Variants in MID1 observed in about 807,000 individuals in gnomAD.
MID1 encodes E3 ubiquitin-protein ligase Midline-1.
In MID1, 7 loss-of-function variants were observed where a neutral mutation model predicts 40.4. The ratio of observed to expected loss-of-function variants is 0.17; its 90% confidence interval spans 0.10 to 0.33. MID1 has a LOEUF of 0.33. Ranked by LOEUF, MID1 falls within the 10% of genes least tolerant of loss-of-function variation. The pLI is 1.00. For synonymous variants in MID1, 229 were observed against 221.2 expected (o/e 1.04, Z -0.31); for missense variants, 367 against 558.5 (o/e 0.66, Z 3.46).
chrX:10,721,979 T>C (rs1439368247), intron 1 of MID1, among the ~76,000 whole-genome samples: 1 of 111,391 alleles, frequency 9.0e-6, no homozygotes, highest in Non-Finnish European at 1.9e-5. Context: ...GGAGATTATG[T>C]GTAGAAATAT....
chrX:10,563,810 T>A (rs1448285429), intron 2 of MID1, among the ~76,000 whole-genome samples: 4 of 112,284 alleles, frequency 3.6e-5, no homozygotes, highest in African/African-American at 9.7e-5. Flanking sequence ...TTCAACATGT[T>A]AGAATTTTTA....
chrX:10,641,338 A>G lies in MID1; in HGVS notation c.-186-20919T>C, dbSNP rs1376173785. On this transcript the variant is annotated intron_variant, in intron 1 of 10. Transcript: ENST00000380785. ...CACAATAAAAAATGATAAAGGGGATATCACCACCGATCCCACAGAAATACA... is the reference window on the plus strand; with the variant it reads ...CACAATAAAAAATGATAAAGGGGATGTCACCACCGATCCCACAGAAATACA... 5.4e-5 allele frequency among the ~76,000 whole-genome samples: 6 copies of G among 112,098 alleles called. No individual in the cohort carries two copies. The South Asian group carries it at 2.2e-3, about 42-fold the overall frequency.
rs756208889 is a variant in MID1 at position 10,446,897 on chromosome X, T to C, written c.*2471A>G. The stretch of plus-strand genomic sequence containing the variant: ...TCTTTTGCCCCTGTATCGCAGTGTT[T>C]CCTGTGGTGAGGACCCCAAATAATA... On this transcript the variant is annotated 3_prime_UTR_variant, in exon 10 of 10. Coordinates refer to ENST00000317552, the MANE Select transcript of MID1 (RefSeq NM_000381.4). 3.6e-5 allele frequency: 4 copies of C among 111,572 alleles called. No individual in the cohort carries two copies. The highest frequency in any genetic ancestry group is 7.5e-5 in the Non-Finnish European group (4 of 53,246). The allele number at this position is 111,572 out of a possible 1,213,427, so 9.2% of individuals were successfully genotyped here.
At chrX:10,545,014 TG>T (rs1381721230) in intron 2 of MID1, among the ~76,000 whole-genome samples, 1 of 112,113 alleles carries the variant, frequency 8.9e-6, no homozygotes, top group East Asian at 2.8e-4. Flanking sequence ...TGAAGTGCAG[TG>T]GTGTGATCTC....
chrX:10,833,116 C>T (rs2044263390), intron 1 of MID1, among the ~76,000 whole-genome samples: 1 of 112,103 alleles, frequency 8.9e-6, no homozygotes, highest in African/African-American at 3.2e-5. Context: ...AAAATGATAC[C>T]TTCAGACTGC....
At chrX:10,672,583 A>G (rs2042994806) in intron 1 of MID1, among the ~76,000 whole-genome samples, 1 of 111,744 alleles carries the variant, frequency 8.9e-6, no homozygotes, top group African/African-American at 3.3e-5. Context: ...TTGAAGTTGG[A>G]AAAGCAGGGA....
At chrX:10,606,116 T>C (rs58654165) in intron 1 of MID1, among the ~76,000 whole-genome samples, 6,109 of 111,365 alleles carry the variant, frequency 0.055, 287 homozygotes, top group African/African-American at 0.15. Context: ...GCACAACTGA[T>C]ACAGGAATAT....
chrX:10,811,143 C>T (rs759196787), intron 1 of MID1, among the ~76,000 whole-genome samples: 1 of 111,816 alleles, frequency 8.9e-6, no homozygotes, highest in South Asian at 3.8e-4. Flanking sequence ...ATCATCTTTT[C>T]AGTGTGGCTT....
At chrX:10,739,146 T>G (rs1293633354) in intron 1 of MID1, among the ~76,000 whole-genome samples, 1 of 111,469 alleles carries the variant, frequency 9.0e-6, no homozygotes, top group Non-Finnish European at 1.9e-5. Flanking sequence ...GCGGGTCAAT[T>G]GGTTGAATAA....
intron 1 of MID1, among the ~76,000 whole-genome samples, chrX:10,660,387 C>A (rs1206995084): frequency 8.9e-6 from 1 of 112,331 alleles, no homozygotes; most frequent in Non-Finnish European, 1.9e-5. Flanking sequence ...CCCACAGCAG[C>A]CCCTGCTCAA....
chrX:10,496,682 G>A (rs1931270614), intron 3 of MID1, among the ~76,000 whole-genome samples: 1 of 112,115 alleles, frequency 8.9e-6, no homozygotes, highest in Non-Finnish European at 1.9e-5. Flanking sequence ...GGCTTTAATT[G>A]GAGTAATTTC....
At chrX:10,667,619 C>T (rs1389895284) in intron 1 of MID1, among the ~76,000 whole-genome samples, 1 of 111,427 alleles carries the variant, frequency 9.0e-6, no homozygotes, top group African/African-American at 3.3e-5. Context: ...ATAAGAGCAC[C>T]AGGAACAGGG....
intron 1 of MID1, among the ~76,000 whole-genome samples, chrX:10,619,462 A>G (rs1935896290): frequency 1.8e-5 from 2 of 112,571 alleles, no homozygotes; most frequent in Admixed American, 9.3e-5. Context: ...ATTGTTCTTG[A>G]TATTTAAATA....
chrX:10,521,015 C>T (rs910797019), intron 3 of MID1, among the ~76,000 whole-genome samples: 18 of 108,030 alleles, frequency 1.7e-4, no homozygotes, highest in Admixed American at 5.1e-4. Flanking sequence ...GGCATGTGCT[C>T]GGCTTCTGAT....
At chrX:10,498,094 A>G (rs1931351763) in intron 3 of MID1, among the ~76,000 whole-genome samples, 1 of 111,097 alleles carries the variant, frequency 9.0e-6, no homozygotes, top group Admixed American at 9.5e-5. Flanking sequence ...AGGGGGAGGG[A>G]GGAAGGGAGT....
chrX:10,481,670 T>G (rs1930336114), intron 5 of MID1, among the ~76,000 whole-genome samples: 1 of 111,425 alleles, frequency 9.0e-6, no homozygotes, highest in East Asian at 2.8e-4. Flanking sequence ...GGTCTCGAAC[T>G]CCTGACCTCA....
intron 1 of MID1, among the ~76,000 whole-genome samples, chrX:10,806,362 G>A (rs1444081437): frequency 1.8e-5 from 2 of 111,999 alleles, no homozygotes; most frequent in African/African-American, 6.5e-5. Context: ...TGTTCCTACT[G>A]CTATTAGGCC....
chrX:10,613,402 A>G (rs1386151783), intron 1 of MID1, among the ~76,000 whole-genome samples: 1 of 109,637 alleles, frequency 9.1e-6, no homozygotes, highest in Non-Finnish European at 1.9e-5. Context: ...TGTGGCCACC[A>G]TCTACATGGA....
intron 8 of MID1, 27 bp from the exon 9 acceptor site, chrX:10,455,104 A>G (rs1569268172): frequency 1.8e-6 from 2 of 1,106,702 alleles, no homozygotes; most frequent in South Asian, 3.7e-5. Flanking sequence ...AAAACAGAAA[A>G]AGGAAGAGGA....
Sources: allele counts gnomAD v4.1 joint callset (sites outside exome capture counted in the v4.1 genomes callset), GRCh38; gene constraint gnomAD v4.1.1; transcripts MANE v1.5; gene names NCBI Gene and HGNC (gene_info 2026-07-23, HGNC 2026-07-21).